Variants in TAFA1 observed in about 807,000 individuals in gnomAD.
The protein encoded by TAFA1 is TAFA chemokine like family member 1.
In TAFA1, 4 loss-of-function variants were observed where a neutral mutation model predicts 18.5. The ratio of observed to expected loss-of-function variants is 0.22; its 90% CI spans 0.11 to 0.49. The LOEUF is 0.49. TAFA1 is among the 20% of genes least tolerant of loss of function. The pLI, the probability that TAFA1 is intolerant of heterozygous loss-of-function variation, is 0.98. For synonymous variants in TAFA1, 56 were observed against 55.2 expected (o/e 1.01, Z -0.06); for missense variants, 147 against 169.0 (o/e 0.87, Z 0.72).
chr3:68,238,317 G>T (rs969102676), intron 2 of TAFA1, among the ~76,000 whole-genome samples: 16 of 152,188 alleles, frequency 1.1e-4, no homozygotes, highest in Non-Finnish European at 2.2e-4. Flanking sequence ...CCTGGACCTT[G>T]TGGGATTTCT....
At chr3:68,349,700 A>G (rs777847398) in intron 2 of TAFA1, among the ~76,000 whole-genome samples, 2 of 152,138 alleles carry the variant, frequency 1.3e-5, no homozygotes, top group African/African-American at 2.4e-5. Flanking sequence ...AACCATAAGC[A>G]ATATGCAAAT....
chr3:68,479,014 C>T (rs1027685272), intron 3 of TAFA1, among the ~76,000 whole-genome samples: 6 of 150,148 alleles, frequency 4.0e-5, no homozygotes, highest in East Asian at 3.9e-4. Flanking sequence ...AAGTGGATCA[C>T]GAGGTCAAGA....
intron 3 of TAFA1, among the ~76,000 whole-genome samples, chr3:68,524,979 GT>G (rs1268960865): frequency 2.6e-5 from 4 of 152,072 alleles, no homozygotes; most frequent in Admixed American, 2.6e-4. Context: ...CCGTTTCTAG[GT>G]TTTATTGTTG....
At chr3:68,218,779 T>C (rs1247471976) in intron 2 of TAFA1, among the ~76,000 whole-genome samples, 1 of 152,144 alleles carries the variant, frequency 6.6e-6, no homozygotes, top group African/African-American at 2.4e-5. Flanking sequence ...CTACCACCCA[T>C]GTAGAGAAGA....
intron 3 of TAFA1, among the ~76,000 whole-genome samples, chr3:68,438,460 C>A (rs911296766): frequency 3.9e-5 from 6 of 152,172 alleles, no homozygotes; most frequent in Non-Finnish European, 2.9e-5. Context: ...GGCAGTCCAA[C>A]CCCTGTGGCT....
At position 68,120,212 on chromosome 3, in the gene TAFA1, TCTTTCTTTC is replaced by T. The variant is rs1235966977; in HGVS notation, c.118+113469_118+113477del. Among the ~76,000 whole-genome samples, 6 of 123,782 alleles carry T rather than the reference TCTTTCTTTC, an allele frequency of 4.8e-5. No homozygotes were observed. In the Admixed American group the frequency reaches 5.2e-4, roughly 11 times the overall value. 81.2% of individuals were successfully genotyped at this position (123,782 alleles called of 152,430 possible). A position where few individuals can be genotyped will look rare whatever the true frequency, so the allele number is the denominator to read the frequency against. ...TTCTTTCTTTCTTTCTTTCTTTCTT[TCTTTCTTTC>T]TTTCTTTCTTTCTTTCTTTCTTTCT... On this transcript the variant is annotated intron_variant, in intron 2 of 4. Transcript: ENST00000478136.
At position 68,262,344 on chromosome 3, in the gene TAFA1, TATATA is replaced by T. The variant is rs1559585959; in HGVS notation, c.119-154935_119-154931del. On this transcript the variant is annotated intron_variant, in intron 2 of 4. Coordinates refer to ENST00000478136, the MANE Select transcript of TAFA1 (RefSeq NM_213609.4). ...ATATATATATATATATATATATATATATATATATATATATTTCATGGGTATATTGA... is the reference window on the plus strand; with the variant it reads ...ATATATATATATATATATATATATATTATATATATTTCATGGGTATATTGA... 4.4e-4 allele frequency among the ~76,000 whole-genome samples: 41 copies of T among 93,340 alleles called. 1 individual carries two copies. The East Asian group carries it at 8.4e-3, about 19-fold the overall frequency. 61.2% of individuals were successfully genotyped at this position (93,340 alleles called of 152,430 possible). A position where few individuals can be genotyped will look rare whatever the true frequency, so the allele number is the denominator to read the frequency against.
At chr3:68,200,809 GATTGA>G (rs2066461930) in intron 2 of TAFA1, among the ~76,000 whole-genome samples, 1 of 151,398 alleles carries the variant, frequency 6.6e-6, no homozygotes, top group Admixed American at 6.6e-5. Flanking sequence ...ATCAGCTTTT[GATTGA>G]ATTGATTTTT....
chr3:68,237,220 G>T (rs1313064348), intron 2 of TAFA1, among the ~76,000 whole-genome samples: 1 of 152,116 alleles, frequency 6.6e-6, no homozygotes, highest in Non-Finnish European at 1.5e-5. Flanking sequence ...GTTCACAGAT[G>T]GTGTCTTCTC....
At chr3:68,445,630 A>AC (rs1341375435) in intron 3 of TAFA1, among the ~76,000 whole-genome samples, 1 of 152,046 alleles carries the variant, frequency 6.6e-6, no homozygotes, top group African/African-American at 2.4e-5. Flanking sequence ...AAGATGTAAG[A>AC]CCCCTTGGCC....
At chr3:68,391,413 G>A (rs1487853060) in intron 2 of TAFA1, among the ~76,000 whole-genome samples, 2 of 152,170 alleles carry the variant, frequency 1.3e-5, no homozygotes, top group Non-Finnish European at 2.9e-5. Flanking sequence ...CAGGGAGAAT[G>A]GAACCAAGTT....
At chr3:68,079,812 G>T (rs2064873279) in intron 2 of TAFA1, among the ~76,000 whole-genome samples, 1 of 152,210 alleles carries the variant, frequency 6.6e-6, no homozygotes, top group Admixed American at 6.5e-5. Flanking sequence ...GGAGAGCTCT[G>T]TAGATGTCTA....
At chr3:68,412,120 A>C (rs573162376) in intron 2 of TAFA1, among the ~76,000 whole-genome samples, 9 of 152,316 alleles carry the variant, frequency 5.9e-5, no homozygotes, top group African/African-American at 2.2e-4. Flanking sequence ...TGTGAGCCTA[A>C]GGAAGATATG....
chr3:68,279,043 C>T (rs1461929770), intron 2 of TAFA1, among the ~76,000 whole-genome samples: 1 of 152,032 alleles, frequency 6.6e-6, no homozygotes, highest in Non-Finnish European at 1.5e-5. Context: ...GGATCATAGA[C>T]TAAATTTGAG....
chr3:68,121,933 T>G (rs189669752), intron 2 of TAFA1, among the ~76,000 whole-genome samples: 3 of 152,128 alleles, frequency 2.0e-5, no homozygotes, highest in Non-Finnish European at 4.4e-5. Flanking sequence ...TATTGAGGTA[T>G]TTTGCATTCA....
chr3:68,076,252 C>T (rs1054918516), intron 2 of TAFA1, among the ~76,000 whole-genome samples: 1 of 149,896 alleles, frequency 6.7e-6, no homozygotes, highest in Non-Finnish European at 1.5e-5. Flanking sequence ...GTCAACAAGC[C>T]ATAAGGGGTT....
intron 3 of TAFA1, among the ~76,000 whole-genome samples, chr3:68,517,044 G>T (rs2072932750): frequency 6.6e-6 from 1 of 152,106 alleles, no homozygotes; most frequent in Admixed American, 6.6e-5. Context: ...AAAGTGCTGG[G>T]ATTACAGACG....
chr3:68,349,052 G>T (rs1335532976), intron 2 of TAFA1, among the ~76,000 whole-genome samples: 7 of 151,446 alleles, frequency 4.6e-5, no homozygotes, highest in African/African-American at 1.5e-4. Context: ...CTTTATAGGA[G>T]ACTGATTTCT....
At chr3:68,141,879 G>A (rs1575641240) in intron 2 of TAFA1, among the ~76,000 whole-genome samples, 1 of 152,252 alleles carries the variant, frequency 6.6e-6, no homozygotes, top group South Asian at 2.1e-4. Context: ...GGCAGCTTTG[G>A]TTAACTTCAG....
Sources: gnomAD v4.1 joint callset for allele counts (sites outside exome capture counted in the v4.1 genomes callset) on GRCh38, gnomAD v4.1.1 for gene constraint, MANE v1.5 for transcripts, NCBI Gene and HGNC (gene_info 2026-07-23, HGNC 2026-07-21) for gene names.